Variants in REV3L observed in about 807,000 individuals in gnomAD.
The protein encoded by REV3L is DNA polymerase zeta catalytic subunit.
Under a neutral mutation model 299.4 loss-of-function variants are expected in REV3L, and 69 were observed. The observed-to-expected ratio is 0.23, with a 90% CI of 0.19 to 0.28. The LOEUF (loss-of-function observed/expected upper bound fraction) is 0.28, where lower values mean the gene tolerates loss of function less well. Ranked by LOEUF, REV3L falls within the 10% of genes least tolerant of loss-of-function variation. The probability of loss-of-function intolerance (pLI) is 1.00; values close to 1 mark genes in which losing one functional copy is unlikely to be tolerated. For missense variants in REV3L, 3,128 were observed against 3,693.8 expected (o/e 0.85, Z 3.97); for synonymous variants, 1,238 against 1,271.4 (o/e 0.97, Z 0.56).
chr6:111,418,793 A>C (rs1785023491), intron 1 of REV3L, among the ~76,000 whole-genome samples: 1 of 152,202 alleles, frequency 6.6e-6, no homozygotes, highest in Non-Finnish European at 1.5e-5. Context: ...TTTCATGGCA[A>C]AAACTCTTAG....
chr6:111,390,243 T>A (rs951909004), intron 5 of REV3L, 63 bp from the exon 6 acceptor site: 3 of 1,000,192 alleles, frequency 3.0e-6, no homozygotes, highest in Non-Finnish European at 4.7e-6. Context: ...AACATTTTTC[T>A]TACTTATACA....
Position 111,483,046 on chromosome 6 carries a change from G to T in REV3L, c.-158C>A. 1.1e-6 allele frequency: 1 copy of T among 930,890 alleles called. No individual in the cohort carries two copies. Among genetic ancestry groups the T allele is most frequent in the Non-Finnish European group, 1.5e-6 (1 of 682,408 alleles). 57.7% of individuals were successfully genotyped at this position (930,890 alleles called of 1,614,324 possible). A position where few individuals can be genotyped will look rare whatever the true frequency, so the allele number is the denominator to read the frequency against. On this transcript the variant is annotated 5_prime_UTR_variant, in exon 1 of 32. Transcript: ENST00000368802. ...CACCTCGAGGAGCGGCGGGCGGGGCGGTGTAGGCGCTGCTGCCGCCGCCTC... is the reference window on the plus strand; with the variant it reads ...CACCTCGAGGAGCGGCGGGCGGGGCTGTGTAGGCGCTGCTGCCGCCGCCTC...
chr6:111,457,126 T>C (rs1253724622), intron 1 of REV3L, among the ~76,000 whole-genome samples: 1 of 151,930 alleles, frequency 6.6e-6, no homozygotes, highest in African/African-American at 2.4e-5. Context: ...GAAAAAAAAA[T>C]TATTGTTAAT....
chr6:111,478,882 T>C (rs1294989828), intron 1 of REV3L, among the ~76,000 whole-genome samples: 3 of 152,196 alleles, frequency 2.0e-5, no homozygotes, highest in Admixed American at 6.5e-5. Context: ...GCTCCCTCTA[T>C]AGTCTGTCTG....
intron 1 of REV3L, among the ~76,000 whole-genome samples, chr6:111,452,561 T>C (rs928126329): frequency 6.6e-6 from 1 of 152,128 alleles, no homozygotes; most frequent in Non-Finnish European, 1.5e-5. Context: ...CATGGTTCCA[T>C]TTATAAGAAA....
At chr6:111,398,626 T>C (rs1782770067) in intron 4 of REV3L, among the ~76,000 whole-genome samples, 1 of 67,516 alleles carries the variant, frequency 1.5e-5, no homozygotes, top group Non-Finnish European at 5.1e-5. Flanking sequence ...AAAGTAAAAC[T>C]CCATGTATTA....
chr6:111,445,392 T>G (rs899454793), intron 1 of REV3L, among the ~76,000 whole-genome samples: 2 of 152,142 alleles, frequency 1.3e-5, no homozygotes, highest in African/African-American at 4.8e-5. Flanking sequence ...AAGTTGCAAT[T>G]TTTTTAAAAA....
chr6:111,404,866 T>C (rs1783453646), intron 4 of REV3L, among the ~76,000 whole-genome samples: 1 of 152,054 alleles, frequency 6.6e-6, no homozygotes, highest in Non-Finnish European at 1.5e-5. Context: ...AAAATAACAA[T>C]GCTTGCACAG....
intron 9 of REV3L, among the ~76,000 whole-genome samples, chr6:111,385,713 A>G (rs1036594670): frequency 6.6e-6 from 1 of 152,154 alleles, no homozygotes; most frequent in Non-Finnish European, 1.5e-5. Flanking sequence ...CATCTCTACA[A>G]TAAGTATAAC....
chr6:111,418,233 G>A (rs1468697617), intron 1 of REV3L, among the ~76,000 whole-genome samples: 1 of 152,184 alleles, frequency 6.6e-6, no homozygotes, highest in Non-Finnish European at 1.5e-5. Flanking sequence ...AGAATTACTA[G>A]TGCAATGCCA....
chr6:111,438,430 T>C (rs1157938589), intron 1 of REV3L, among the ~76,000 whole-genome samples: 2 of 151,558 alleles, frequency 1.3e-5, no homozygotes, highest in Admixed American at 6.6e-5. Flanking sequence ...GACAGAATCT[T>C]GCTATGTTGC....
chr6:111,348,946 A>C (rs1373084188), intron 20 of REV3L: 2 of 209,486 alleles, frequency 9.5e-6, no homozygotes, highest in South Asian at 2.6e-4. Flanking sequence ...TGAGCACTGC[A>C]CCTGGCCCCA....
intron 4 of REV3L, among the ~76,000 whole-genome samples, chr6:111,399,683 G>C (rs191943017): frequency 6.6e-6 from 1 of 151,888 alleles, no homozygotes; most frequent in Admixed American, 6.6e-5. Flanking sequence ...CTGGGGTTAC[G>C]AGTTTTTGGC....
Position 111,376,693 on chromosome 6 carries a change from T to A in REV3L, c.1662A>T (p.Ser554=), listed in dbSNP as rs1162715255. 1 of 1,607,262 alleles carries A rather than the reference T, an allele frequency of 6.2e-7. No individual in the cohort carries two copies. Among genetic ancestry groups the A allele is most frequent in the East Asian group, 2.2e-5 (1 of 44,796 alleles). ...HSSVIATSKL[S]VKPSIFHKDA... ...CTTTGTGAAAGATGGAGGGTTTAAC[T>A]GAAAGCTTGCTTGTTGCAATTACAG... Residue 554 remains serine, a synonymous_variant, in exon 13 of 32, where the codon TCA becomes TCT. Coordinates refer to ENST00000368802, the MANE Select transcript of REV3L (RefSeq NM_001372078.1).
chr6:111,411,721 C>T (rs553618152), intron 2 of REV3L, among the ~76,000 whole-genome samples, 167 bp from the exon 3 acceptor site: 59 of 152,190 alleles, frequency 3.9e-4, no homozygotes, highest in African/African-American at 1.4e-3. Flanking sequence ...TTAAACCTAG[C>T]ACAGGTTAAC....
At chr6:111,319,372 AATGGCGTGAACCTGGGAGGCAGAGC>A (rs1285314650) in intron 26 of REV3L, among the ~76,000 whole-genome samples, 1 of 152,044 alleles carries the variant, frequency 6.6e-6, no homozygotes, top group Non-Finnish European at 1.5e-5. Flanking sequence ...GAGGCAGGAG[AATGGCGTGAACCTGGGAGGCAGAGC>A]ATGCAGTGAG....
intron 3 of REV3L, among the ~76,000 whole-genome samples, chr6:111,408,776 T>C (rs1165454497): frequency 6.6e-6 from 1 of 152,152 alleles, no homozygotes; most frequent in African/African-American, 2.4e-5. Flanking sequence ...CCTCCACCTC[T>C]GGGGTTCAAA....
At chr6:111,313,560 T>C in intron 27 of REV3L, 71 bp from the exon 28 acceptor site, 3 of 1,435,142 alleles carry the variant, frequency 2.1e-6, no homozygotes, top group Non-Finnish European at 2.8e-6. Context: ...TTTTTATGTC[T>C]TTGTGCTTTC....
At chr6:111,336,131 T>C (rs1481633463) in intron 21 of REV3L, among the ~76,000 whole-genome samples, 1 of 151,912 alleles carries the variant, frequency 6.6e-6, no homozygotes, top group Non-Finnish European at 1.5e-5. Context: ...AGATAATACA[T>C]GGGTTAAACA....
Sources: allele counts gnomAD v4.1 joint callset (sites outside exome capture counted in the v4.1 genomes callset), GRCh38; gene constraint gnomAD v4.1.1; transcripts MANE v1.5; gene names NCBI Gene and HGNC (gene_info 2026-07-23, HGNC 2026-07-21).